The following BUB1B variants were observed in gnomAD, a reference collection of about 807,000 sequenced individuals.
BUB1B encodes mitotic checkpoint serine/threonine-protein kinase BUB1 beta.
A neutral mutation model predicts 137.7 loss-of-function variants in BUB1B; 86 were observed. The observed-to-expected ratio is 0.62, with a 90% CI of 0.52 to 0.75. The LOEUF (loss-of-function observed/expected upper bound fraction) is 0.75. Among genes scored for constraint, BUB1B ranks in the 30% least tolerant of loss-of-function variants. The pLI is 0.00. For missense variants in BUB1B, 1,130 were observed against 1,236.9 expected (o/e 0.91, Z 1.30); for synonymous variants, 420 against 417.9 (o/e 1.00, Z -0.06).
chr15:40,210,783 CA>C, intron 18 of BUB1B, among the ~76,000 whole-genome samples: 1 of 152,324 alleles, frequency 6.6e-6, no homozygotes, highest in East Asian at 1.9e-4. Context: ...GGATTACAGG[CA>C]TCTAACTTTG....
intron 3 of BUB1B, among the ~76,000 whole-genome samples, chr15:40,170,332 C>T (rs539421592): frequency 3.3e-5 from 5 of 152,284 alleles, no homozygotes; most frequent in Admixed American, 2.6e-4. Context: ...GAACTACACC[C>T]TTCTATCCCT....
At chr15:40,209,475 AAC>A (rs1373209236) in intron 16 of BUB1B, among the ~76,000 whole-genome samples, 158 bp from the exon 17 acceptor site, 2 of 152,272 alleles carry the variant, frequency 1.3e-5, no homozygotes, top group Non-Finnish European at 2.9e-5. Flanking sequence ...GTACGAAGTG[AAC>A]ACAGTTTCAT....
intron 1 of BUB1B, 96 bp downstream of exon 1, chr15:40,161,351 G>C: frequency 7.0e-7 from 1 of 1,432,804 alleles, no homozygotes; most frequent in South Asian, 1.4e-5. Flanking sequence ...GGGGGAGATC[G>C]GCACCGTCAG....
intron 6 of BUB1B, 150 bp downstream of exon 6, chr15:40,184,033 C>T (rs2037329919): frequency 2.5e-6 from 2 of 796,438 alleles, no homozygotes. Context: ...GCTAATATTA[C>T]AGTGTGCAGT....
chr15:40,214,063 A>T (rs541594567), intron 20 of BUB1B, among the ~76,000 whole-genome samples: 2 of 152,244 alleles, frequency 1.3e-5, no homozygotes, highest in South Asian at 4.1e-4. Context: ...TGAGGAATAT[A>T]AAGTGGATTG....
chr15:40,199,473 A>G, intron 9 of BUB1B, 142 bp from the exon 10 acceptor site: 2 of 687,678 alleles, frequency 2.9e-6, no homozygotes, highest in Non-Finnish European at 5.3e-6. Flanking sequence ...GGCCTAGACC[A>G]CAAGTTGAGG....
At chr15:40,204,827 G>A (rs1055803846) in intron 14 of BUB1B, among the ~76,000 whole-genome samples, 1 of 151,472 alleles carries the variant, frequency 6.6e-6, no homozygotes, top group African/African-American at 2.4e-5. Flanking sequence ...GGAGAGACAG[G>A]GTTTTGCCAT....
intron 2 of BUB1B, chr15:40,166,403 G>T: frequency 4.8e-6 from 2 of 416,200 alleles, no homozygotes; most frequent in South Asian, 3.4e-5. Context: ...GCAGTGGCAC[G>T]ATCTTGGCTC....
chr15:40,196,038 G>C (rs1020739802), intron 8 of BUB1B, among the ~76,000 whole-genome samples: 12 of 152,238 alleles, frequency 7.9e-5, no homozygotes, highest in African/African-American at 2.9e-4. Context: ...TGGGTTCTTG[G>C]TCATGAAGTC....
chr15:40,209,250 C>T (rs551798105), intron 16 of BUB1B, among the ~76,000 whole-genome samples: 1 of 152,322 alleles, frequency 6.6e-6, no homozygotes, highest in South Asian at 2.1e-4. Context: ...GAAACCCCAA[C>T]TCTACTAAAA....
At chr15:40,185,135 T>C (rs377246687) in intron 6 of BUB1B, 30 bp from the exon 7 acceptor site, 2 of 1,566,794 alleles carry the variant, frequency 1.3e-6, no homozygotes, top group African/African-American at 2.7e-5. Context: ...TGAAACATTT[T>C]ACATGAGGTT....
intron 20 of BUB1B, among the ~76,000 whole-genome samples, chr15:40,216,429 G>C (rs1051275282): frequency 1.3e-5 from 2 of 151,292 alleles, no homozygotes; most frequent in Non-Finnish European, 2.9e-5. Flanking sequence ...CAAGAGTGTA[G>C]ACCTTGTCTA....
chr15:40,188,601 G>A (rs1368012101), intron 8 of BUB1B, among the ~76,000 whole-genome samples: 3 of 103,264 alleles, frequency 2.9e-5, no homozygotes, highest in East Asian at 2.3e-4. Context: ...TTTTTTTTTC[G>A]AGACAGAGTC....
At chr15:40,178,515 C>T (rs560183378) in intron 5 of BUB1B, among the ~76,000 whole-genome samples, 1 of 152,094 alleles carries the variant, frequency 6.6e-6, no homozygotes, top group Non-Finnish European at 1.5e-5. Context: ...TTCATGTACA[C>T]TTGAAAAATA....
At chr15:40,208,892 T>A in intron 16 of BUB1B, 122 bp downstream of exon 16, 1 of 1,032,066 alleles carries the variant, frequency 9.7e-7, no homozygotes, top group Non-Finnish European at 1.5e-6. Context: ...TGGAGTGCAG[T>A]GGCACAATCA....
chr15:40,197,023 G>C (rs1566823909), intron 9 of BUB1B, among the ~76,000 whole-genome samples: 1 of 152,270 alleles, frequency 6.6e-6, no homozygotes, highest in African/African-American at 2.4e-5. Flanking sequence ...GGGGCACTGA[G>C]TATGTTTAGA....
At chr15:40,218,938 G>T (rs558968217) in intron 22 of BUB1B, among the ~76,000 whole-genome samples, 42 of 152,324 alleles carry the variant, frequency 2.8e-4, no homozygotes, top group African/African-American at 9.9e-4. Context: ...TTGAGACGGA[G>T]TCTCGCTCTG....
At chr15:40,207,824 G>A (rs1023841500) in intron 15 of BUB1B, among the ~76,000 whole-genome samples, 1 of 151,180 alleles carries the variant, frequency 6.6e-6, no homozygotes, top group African/African-American at 2.4e-5. Flanking sequence ...ATCACTTGAG[G>A]CCAGGAGTTT....
intron 22 of BUB1B, among the ~76,000 whole-genome samples, chr15:40,220,157 C>T (rs1015401372): frequency 5.9e-5 from 9 of 152,042 alleles, no homozygotes; most frequent in East Asian, 5.8e-4. Flanking sequence ...GTCAAGCTTA[C>T]GATTATCAGA....
Sources: allele counts gnomAD v4.1 joint callset (sites outside exome capture counted in the v4.1 genomes callset), GRCh38; gene constraint gnomAD v4.1.1; transcripts MANE v1.5; gene names NCBI Gene and HGNC (gene_info 2026-07-23, HGNC 2026-07-21).